The following PDE4D variants were observed in gnomAD, a reference collection of about 807,000 sequenced individuals.
PDE4D encodes 3',5'-cyclic-AMP phosphodiesterase 4D.
A neutral mutation model predicts 87.4 loss-of-function variants in PDE4D; 24 were observed. That is an observed-to-expected ratio of 0.27 (90% CI 0.20 to 0.39). PDE4D has a LOEUF of 0.39. PDE4D is among the 10% of genes least tolerant of loss of function. PDE4D has a pLI of 1.00. For missense variants in PDE4D, 714 were observed against 1,041.0 expected (o/e 0.69, Z 4.32); for synonymous variants, 384 against 383.2 (o/e 1.00, Z -0.02).
At chr5:59,142,407 A>G (rs1185107306) in intron 5 of PDE4D, among the ~76,000 whole-genome samples, 1 of 152,224 alleles carries the variant, frequency 6.6e-6, no homozygotes, top group Non-Finnish European at 1.5e-5. Context: ...TAGGTTTACA[A>G]TAATCCCCAA....
chr5:60,108,089 T>C (rs1011968987), intron 2 of PDE4D, among the ~76,000 whole-genome samples: 3 of 152,056 alleles, frequency 2.0e-5, no homozygotes, highest in African/African-American at 4.8e-5. Flanking sequence ...GCAGACGACA[T>C]GATTGTATAT....
At chr5:60,216,562 C>G (rs1391739639) in intron 1 of PDE4D, among the ~76,000 whole-genome samples, 1 of 151,856 alleles carries the variant, frequency 6.6e-6, no homozygotes, top group African/African-American at 2.4e-5. Flanking sequence ...ACTTTAGATC[C>G]AAAGACACAG....
At chr5:58,987,548 A>G (rs1279276644) in intron 11 of PDE4D, among the ~76,000 whole-genome samples, 1 of 152,204 alleles carries the variant, frequency 6.6e-6, no homozygotes, top group African/African-American at 2.4e-5. Flanking sequence ...TGGCTACAGC[A>G]AAGTACAGGA....
Position 59,102,333 on chromosome 5 carries a change from G to T in PDE4D, c.809-63362C>A, listed in dbSNP as rs539534190. Among the ~76,000 whole-genome samples, 8 of 152,036 alleles carry T rather than the reference G, an allele frequency of 5.3e-5. No homozygotes were observed. In the Middle Eastern group the frequency reaches 0.01, roughly 195 times the overall value. On this transcript the variant is annotated intron_variant, in intron 5 of 14. Coordinates refer to ENST00000340635, the MANE Select transcript of PDE4D (RefSeq NM_001104631.2). ...ACTCCCGACCTCAGGTGATCTGCAC[G>T]CCTCGGCCTCCCAAAGTGCTGGGGT...
At chr5:59,560,852 G>A (rs1819857505) in intron 1 of PDE4D, 1 of 152,204 alleles carries the variant, frequency 6.6e-6, no homozygotes, top group South Asian at 2.1e-4. Context: ...CAGGTGCTGC[G>A]TTCCTGATGG....
Position 58,974,589 on chromosome 5 carries a change from T to C in PDE4D, c.*75A>G, listed in dbSNP as rs1431695604. The C allele has an allele frequency of 1.5e-6, 2 of 1,362,006 alleles. No individual in the cohort carries two copies. Among genetic ancestry groups the C allele is most frequent in the Non-Finnish European group, 2.0e-6 (2 of 999,836 alleles). The allele number at this position is 1,362,006 out of a possible 1,614,324, so 84.4% of individuals were successfully genotyped here. On this transcript the variant is annotated 3_prime_UTR_variant, in exon 15 of 15. Transcript: ENST00000340635. ...AGATGACAGTGAGGTGTGACCGTGG[T>C]TGTGGCATGTGACATGCACTTTGGA... is the stretch of plus-strand genomic sequence containing the variant.
At chr5:60,257,458 TA>T (rs1298583175) in intron 1 of PDE4D, among the ~76,000 whole-genome samples, 1 of 151,924 alleles carries the variant, frequency 6.6e-6, no homozygotes, top group African/African-American at 2.4e-5. Context: ...AAAAAAGTAT[TA>T]AAAATAAAAC....
At chr5:60,049,060 C>A (rs539985065) in intron 2 of PDE4D, among the ~76,000 whole-genome samples, 2 of 152,068 alleles carry the variant, frequency 1.3e-5, no homozygotes, top group African/African-American at 4.8e-5. Context: ...AGGGTTTGCC[C>A]GTTTCTTTTT....
intron 1 of PDE4D, among the ~76,000 whole-genome samples, chr5:59,274,266 A>G (rs1764388325): frequency 6.6e-6 from 1 of 152,154 alleles, no homozygotes; most frequent in Non-Finnish European, 1.5e-5. Context: ...ATCTTCATCT[A>G]TAATTTATTA....
At chr5:59,493,116 AAATT>A (rs781020127) in intron 1 of PDE4D, among the ~76,000 whole-genome samples, 10 of 152,198 alleles carry the variant, frequency 6.6e-5, no homozygotes, top group African/African-American at 9.7e-5. Context: ...AGGCTTAAAA[AAATT>A]AATTGTCAGA....
intron 2 of PDE4D, among the ~76,000 whole-genome samples, chr5:60,129,731 T>C (rs1779412412): frequency 6.6e-6 from 1 of 152,220 alleles, no homozygotes; most frequent in East Asian, 1.9e-4. Flanking sequence ...CTGTAGCCAT[T>C]AATCAATGTT....
intron 1 of PDE4D, among the ~76,000 whole-genome samples, chr5:60,493,479 A>G (rs941806075): frequency 2.6e-5 from 4 of 152,242 alleles, no homozygotes; most frequent in Admixed American, 2.6e-4. Flanking sequence ...GAGAATATCA[A>G]CTGAGACTTA....
chr5:60,354,826 C>T (rs564564856), intron 1 of PDE4D, among the ~76,000 whole-genome samples: 7 of 152,156 alleles, frequency 4.6e-5, no homozygotes, highest in African/African-American at 1.7e-4. Context: ...CTGTTGGACA[C>T]TGAAATTAAT....
chr5:60,346,275 C>T (rs1758740686), intron 1 of PDE4D, among the ~76,000 whole-genome samples: 1 of 152,094 alleles, frequency 6.6e-6, no homozygotes, highest in Admixed American at 6.6e-5. Context: ...TGCTGAGTGG[C>T]TCTGACAGTC....
intron 1 of PDE4D, among the ~76,000 whole-genome samples, chr5:60,325,906 G>A (rs1215563427): frequency 2.0e-5 from 3 of 152,014 alleles, no homozygotes; most frequent in African/African-American, 7.2e-5. Context: ...TATATAATTT[G>A]AATCATATAG....
At chr5:59,234,041 A>C (rs1048381979) in intron 1 of PDE4D, among the ~76,000 whole-genome samples, 3 of 152,146 alleles carry the variant, frequency 2.0e-5, no homozygotes, top group African/African-American at 7.2e-5. Context: ...TTCTAAAGGC[A>C]TTTGACCTCT....
upstream of PDE4D, among the ~76,000 whole-genome samples, chr5:59,898,393 C>A (rs898533924): frequency 2.6e-5 from 4 of 152,064 alleles, no homozygotes; most frequent in Non-Finnish European, 4.4e-5. Flanking sequence ...AATAAATAAG[C>A]AACTATAATT....
At chr5:59,869,024 C>A (rs895130640) in intron 1 of PDE4D, among the ~76,000 whole-genome samples, 1 of 152,146 alleles carries the variant, frequency 6.6e-6, no homozygotes, top group African/African-American at 2.4e-5. Flanking sequence ...ATCCTTTCAG[C>A]ACATTTTTAT....
chr5:60,045,768 T>G (rs1769157430), intron 2 of PDE4D, among the ~76,000 whole-genome samples: 2 of 152,344 alleles, frequency 1.3e-5, no homozygotes, highest in South Asian at 4.1e-4. Context: ...TACTGTAGCC[T>G]TGTAGTATAG....
Sources: allele counts gnomAD v4.1 joint callset (sites outside exome capture counted in the v4.1 genomes callset), GRCh38; gene constraint gnomAD v4.1.1; transcripts MANE v1.5; gene names NCBI Gene and HGNC (gene_info 2026-07-23, HGNC 2026-07-21).